Variants in NEGR1 observed in about 807,000 individuals in gnomAD.
NEGR1 encodes neuronal growth regulator 1.
A neutral mutation model predicts 40.9 loss-of-function variants in NEGR1; 10 were observed. The observed-to-expected ratio is 0.24, with a 90% CI of 0.15 to 0.42. The LOEUF (loss-of-function observed/expected upper bound fraction) is 0.42. Among genes scored for constraint, NEGR1 ranks in the 10% least tolerant of loss-of-function variants. The probability of loss-of-function intolerance (pLI) is 1.00; values close to 1 mark genes in which losing one functional copy is unlikely to be tolerated. For missense variants in NEGR1, 352 were observed against 438.9 expected, an observed-to-expected ratio of 0.80 and a Z score of 1.77; for synonymous variants, 185 against 166.8, an observed-to-expected ratio of 1.11 and a Z score of -0.84.
At chr1:71,521,339 TTTAAGA>T (rs1416897733) in intron 6 of NEGR1, among the ~76,000 whole-genome samples, 1 of 151,968 alleles carries the variant, frequency 6.6e-6, no homozygotes, top group Non-Finnish European at 1.5e-5. Context: ...GAAAGCAAAG[TTTAAGA>T]TTATCTGGCC....
At chr1:71,663,208 C>G (rs1488846305) in intron 4 of NEGR1, among the ~76,000 whole-genome samples, 1 of 152,094 alleles carries the variant, frequency 6.6e-6, no homozygotes, top group African/African-American at 2.4e-5. Flanking sequence ...CTGCCTGCCT[C>G]GGCCTCCCAA....
At chr1:72,127,388 C>T (rs889938523) in intron 1 of NEGR1, among the ~76,000 whole-genome samples, 1 of 131,136 alleles carries the variant, frequency 7.6e-6, no homozygotes. Flanking sequence ...GGCGTGAACC[C>T]GGGAGGCGGA....
intron 2 of NEGR1, among the ~76,000 whole-genome samples, chr1:71,869,883 C>CTTTTT (rs140029802): frequency 7.3e-6 from 1 of 136,066 alleles, no homozygotes. Context: ...TTCTTTCTTT[C>CTTTTT]TTTTTTTTTT....
At chr1:71,750,151 G>C (rs886454236) in intron 3 of NEGR1, among the ~76,000 whole-genome samples, 2 of 151,842 alleles carry the variant, frequency 1.3e-5, no homozygotes, top group African/African-American at 4.8e-5. Flanking sequence ...CCGCCACCGC[G>C]CCCGGCTAAT....
intron 6 of NEGR1, among the ~76,000 whole-genome samples, chr1:71,448,334 C>T (rs1298656517): frequency 6.6e-6 from 1 of 151,802 alleles, no homozygotes; most frequent in Non-Finnish European, 1.5e-5. Flanking sequence ...TGTGGTGGCT[C>T]ACGCCTCTAA....
At chr1:71,780,650 A>C (rs1427540506) in intron 2 of NEGR1, among the ~76,000 whole-genome samples, 1 of 152,224 alleles carries the variant, frequency 6.6e-6, no homozygotes, top group Non-Finnish European at 1.5e-5. Context: ...GGTCCCTTGC[A>C]TTCATAACAT....
chr1:72,188,188 T>C (rs1570098274), intron 1 of NEGR1, among the ~76,000 whole-genome samples: 1 of 151,588 alleles, frequency 6.6e-6, no homozygotes, highest in East Asian at 1.9e-4. Flanking sequence ...GAAAATATCA[T>C]AATTAAATTT....
intron 6 of NEGR1, chr1:71,407,781 A>C (rs1041892503): frequency 4.0e-6 from 2 of 494,066 alleles, no homozygotes; most frequent in Non-Finnish European, 7.4e-6. Flanking sequence ...AAATGAAAAT[A>C]ATAGAAATAA....
chr1:71,877,529 C>G (rs927516809), intron 2 of NEGR1, among the ~76,000 whole-genome samples: 1 of 152,074 alleles, frequency 6.6e-6, no homozygotes, highest in South Asian at 2.1e-4. Flanking sequence ...ACCAGTCTTA[C>G]TGGACTATGA....
Position 71,965,065 on chromosome 1 carries a change from A to G in NEGR1, c.177-29754T>C, listed in dbSNP as rs553833071. ...GCCAATAAAAGCTGACCCAGACCCA[A>G]TGGAAGCATTCTGGGAAATATTTTC... On this transcript the variant is annotated intron_variant, in intron 1 of 6. Coordinates refer to ENST00000357731, the MANE Select transcript of NEGR1 (RefSeq NM_173808.3). 9.8e-5 allele frequency among the ~76,000 whole-genome samples: 15 copies of G among 152,300 alleles called. No individual in the cohort carries two copies. In the East Asian group the frequency reaches 1.9e-3, roughly 20 times the overall value.
chr1:71,511,183 T>TCA (rs1462118380), intron 6 of NEGR1, among the ~76,000 whole-genome samples: 14 of 152,216 alleles, frequency 9.2e-5, no homozygotes, highest in Non-Finnish European at 1.8e-4. Flanking sequence ...CAGCATAATA[T>TCA]GCTCTGCAAA....
chr1:71,851,510 C>A (rs1659600933), intron 2 of NEGR1, among the ~76,000 whole-genome samples: 1 of 152,110 alleles, frequency 6.6e-6, no homozygotes, highest in Non-Finnish European at 1.5e-5. Context: ...TCATGTATTT[C>A]TAATTTCATT....
At chr1:71,469,123 A>G (rs1646766193) in intron 6 of NEGR1, among the ~76,000 whole-genome samples, 1 of 152,050 alleles carries the variant, frequency 6.6e-6, no homozygotes. Context: ...GATTCATGAT[A>G]ACAGCCTCCA....
At chr1:71,963,703 T>C (rs1646187318) in intron 1 of NEGR1, among the ~76,000 whole-genome samples, 1 of 152,184 alleles carries the variant, frequency 6.6e-6, no homozygotes, top group African/African-American at 2.4e-5. Flanking sequence ...TTTATTAAAA[T>C]GTCTATGATT....
At chr1:72,149,370 A>G (rs1651031070) in intron 1 of NEGR1, among the ~76,000 whole-genome samples, 1 of 152,196 alleles carries the variant, frequency 6.6e-6, no homozygotes, top group African/African-American at 2.4e-5. Context: ...GGGTGGGGAC[A>G]CAGCCAAATC....
chr1:72,269,061 G>A (rs1655754706), intron 1 of NEGR1, among the ~76,000 whole-genome samples: 1 of 151,444 alleles, frequency 6.6e-6, no homozygotes, highest in Non-Finnish European at 1.5e-5. Flanking sequence ...TAAATTATGT[G>A]CTATTGGATA....
intron 4 of NEGR1, among the ~76,000 whole-genome samples, chr1:71,680,412 C>A (rs1282854339): frequency 6.6e-6 from 1 of 152,016 alleles, no homozygotes; most frequent in Non-Finnish European, 1.5e-5. Context: ...TTAAGGACAA[C>A]CTCTTCATAT....
At chr1:72,107,776 C>T (rs1649195956) in intron 1 of NEGR1, among the ~76,000 whole-genome samples, 1 of 150,996 alleles carries the variant, frequency 6.6e-6, no homozygotes, top group Middle Eastern at 3.4e-3. Flanking sequence ...CGTACATCCA[C>T]CATGTGTGGT....
intron 2 of NEGR1, among the ~76,000 whole-genome samples, chr1:71,813,692 G>A (rs1029395703): frequency 6.6e-6 from 1 of 151,998 alleles, no homozygotes; most frequent in Non-Finnish European, 1.5e-5. Flanking sequence ...TCTCTTTGCA[G>A]CAATTGTGAA....
Sources: gnomAD v4.1 joint callset for allele counts (sites outside exome capture counted in the v4.1 genomes callset) on GRCh38, gnomAD v4.1.1 for gene constraint, MANE v1.5 for transcripts, NCBI Gene and HGNC (gene_info 2026-07-23, HGNC 2026-07-21) for gene names.